The following KIF1B variants were observed in gnomAD, a reference collection of about 807,000 sequenced individuals.
KIF1B encodes the protein kinesin family member 1B.
Under a neutral mutation model 241.9 loss-of-function variants are expected in KIF1B, and 76 were observed. The observed-to-expected ratio is 0.31, with a 90% CI of 0.26 to 0.38. The LOEUF (loss-of-function observed/expected upper bound fraction) is 0.38, where lower values mean the gene tolerates loss of function less well. Among genes scored for constraint, KIF1B ranks in the 10% least tolerant of loss-of-function variants. The pLI is 1.00. For synonymous variants in KIF1B, 750 were observed against 796.7 expected (o/e 0.94, Z 0.99); for missense variants, 1,622 against 2,271.4 (o/e 0.71, Z 5.81).
Position 10,345,666 on chromosome 1 carries a change from ATAAC to A in KIF1B, c.3689-175_3689-172del, listed in dbSNP as rs1437638053. On this transcript the variant is annotated intron_variant, in intron 34 of 48. Coordinates refer to ENST00000676179, the MANE Select transcript of KIF1B (RefSeq NM_001365951.3). ...TTTTCCTTGTTCTCTGAATGTAGAG[ATAAC>A]TAATAACTTACAAAGTTTATATTGG... 3 of 617,840 alleles carry A rather than the reference ATAAC, an allele frequency of 4.9e-6. No homozygotes were observed. The African/African-American group carries it at 5.6e-5, about 11-fold the overall frequency. 38.3% of individuals were successfully genotyped at this position (617,840 alleles called of 1,614,324 possible). A position where few individuals can be genotyped will look rare whatever the true frequency, so the allele number is the denominator to read the frequency against.
chr1:10,297,070 G>A lies in KIF1B; in HGVS notation c.2035G>A (p.Glu679Lys), dbSNP rs1459746917. 1 of 1,613,920 alleles carries A rather than the reference G, an allele frequency of 6.2e-7. No homozygotes were observed. The highest frequency in any genetic ancestry group is 8.5e-7 in the Non-Finnish European group (1 of 1,179,970). The change falls in exon 21 of 49, where the codon GAG becomes AAG. Residue 679 changes from glutamate to lysine, a missense_variant. Transcript: ENST00000676179. ...KQGIDMKQEM[E>K]KRLQEMEILY... Reference sequence around the variant, plus strand: ...AGGAATTGATATGAAACAAGAGATGGAGAAAAGGTAATGCACAGTTACGCA... The same window carrying A: ...AGGAATTGATATGAAACAAGAGATGAAGAAAAGGTAATGCACAGTTACGCA...
intron 2 of KIF1B, among the ~76,000 whole-genome samples, chr1:10,238,760 G>A (rs1012301807): frequency 6.6e-6 from 1 of 151,874 alleles, no homozygotes; most frequent in African/African-American, 2.4e-5. Context: ...AGAAAGTAAT[G>A]CATTTAAATT....
chr1:10,226,912 G>A (rs1477758791), intron 1 of KIF1B, among the ~76,000 whole-genome samples: 1 of 152,028 alleles, frequency 6.6e-6, no homozygotes, highest in Non-Finnish European at 1.5e-5. Flanking sequence ...AGGCTGCAGT[G>A]AGCTGAGATC....
At chr1:10,225,654 G>A (rs533662044) in intron 1 of KIF1B, among the ~76,000 whole-genome samples, 5 of 152,244 alleles carry the variant, frequency 3.3e-5, no homozygotes, top group East Asian at 1.9e-4. Flanking sequence ...ACAAGACAAA[G>A]GACACAGTGG....
intron 5 of KIF1B, among the ~76,000 whole-genome samples, chr1:10,267,059 C>T (rs1160930134): frequency 6.6e-6 from 1 of 151,698 alleles, no homozygotes; most frequent in African/African-American, 2.4e-5. Flanking sequence ...ACTCTGTCAC[C>T]GAGGCTGAAG....
chr1:10,240,192 A>G (rs1647116403), intron 2 of KIF1B, among the ~76,000 whole-genome samples: 1 of 151,888 alleles, frequency 6.6e-6, no homozygotes. Flanking sequence ...GTGAGCCACC[A>G]CACCCTGCCA....
chr1:10,247,493 T>C (rs1647241581), intron 2 of KIF1B, among the ~76,000 whole-genome samples: 5 of 152,232 alleles, frequency 3.3e-5, no homozygotes, highest in Admixed American at 2.6e-4. Flanking sequence ...GTAAGCTCCA[T>C]GTAGGCAGGG....
chr1:10,304,005 G>T (rs1569775544), intron 22 of KIF1B: 3 of 1,605,886 alleles, frequency 1.9e-6, no homozygotes, highest in Admixed American at 3.4e-5. Context: ...TAACAAAGCA[G>T]CTTCGTCGGC....
intron 15 of KIF1B, among the ~76,000 whole-genome samples, chr1:10,288,184 G>A (rs1649806578): frequency 6.6e-6 from 1 of 152,106 alleles, no homozygotes; most frequent in Admixed American, 6.6e-5. Flanking sequence ...TTTAAAGAGG[G>A]GCTCACTGTG....
intron 24 of KIF1B, 68 bp downstream of exon 24, chr1:10,321,925 T>C (rs1651540273): frequency 1.9e-6 from 3 of 1,567,640 alleles, no homozygotes; most frequent in Non-Finnish European, 2.6e-6. Flanking sequence ...ATCTGGGTTC[T>C]CACCTTGAAT....
In KIF1B at chr1:10,314,688, G is replaced by A. The variant is rs543788391; in HGVS notation, c.2116-5355G>A. 7.6e-4 allele frequency among the ~76,000 whole-genome samples: 115 copies of A among 151,802 alleles called. 1 individual carries two copies. In the South Asian group the frequency reaches 0.022, roughly 29 times the overall value. On this transcript the variant is annotated intron_variant, in intron 22 of 48. Transcript: ENST00000676179. ...ACCCGCCTCTGCCTCCCAGAGTGCT[G>A]GGATTACAGGCATGTGCCACCACAC...
chr1:10,302,809 G>T (rs560114959), intron 22 of KIF1B, among the ~76,000 whole-genome samples: 1 of 152,064 alleles, frequency 6.6e-6, no homozygotes, highest in Non-Finnish European at 1.5e-5. Context: ...GTTAAGTCAC[G>T]CCATTTGAAT....
At chr1:10,246,509 G>T (rs985644556) in intron 2 of KIF1B, among the ~76,000 whole-genome samples, 7 of 152,160 alleles carry the variant, frequency 4.6e-5, no homozygotes, top group African/African-American at 1.7e-4. Context: ...ACTTTGGGAG[G>T]CCGAGGTGGG....
chr1:10,277,524 A>G (rs1257468126), intron 12 of KIF1B, among the ~76,000 whole-genome samples: 1 of 151,878 alleles, frequency 6.6e-6, no homozygotes, highest in East Asian at 1.9e-4. Flanking sequence ...TCTTGTAGAG[A>G]TGGGGGGTCT....
chr1:10,343,331 T>A (rs1313571213), intron 34 of KIF1B, 44 bp downstream of exon 34: 4 of 1,567,762 alleles, frequency 2.6e-6, no homozygotes, highest in Non-Finnish European at 3.5e-6. Context: ...TCTTTGTGAA[T>A]ACATGTCTTA....
At position 10,324,872 on chromosome 1, in the gene KIF1B, C is replaced by G. The variant is rs201568534; in HGVS notation, c.2652C>G (p.Phe884Leu). 1.2e-6 allele frequency: 2 copies of G among 1,613,982 alleles called. No homozygotes were observed. The highest frequency in any genetic ancestry group is 8.5e-7 in the Non-Finnish European group (1 of 1,180,018). Residue 884 changes from phenylalanine (F) to leucine (L), a missense_variant, in exon 26 of 49, where the codon TTC becomes TTG. Phe to Leu is a conservative substitution (Grantham distance 22). This residue lies in a region of KIF1B where 803 missense variants were observed against 1,112.0 expected (regional missense o/e 0.72). Coordinates refer to ENST00000676179, the MANE Select transcript of KIF1B (RefSeq NM_001365951.3). ...GCAGCGATCCCTTCTATGATCGGTT[C>G]CACTGGTTCAAACTTGTGGGGAGGT... The part of the protein sequence containing the change: ...VTGSDPFYDR[F>L]HWFKLVGSSP...
intron 22 of KIF1B, chr1:10,308,383 T>C: frequency 9.5e-7 from 1 of 1,049,572 alleles, no homozygotes; most frequent in Non-Finnish European, 1.2e-6. Context: ...GATTGTGAAA[T>C]GTATTAGGTG....
At chr1:10,223,546 GT>G (rs113574017) in intron 1 of KIF1B, among the ~76,000 whole-genome samples, 39,704 of 131,306 alleles carry the variant, frequency 0.3, 5,663 homozygotes, top group Admixed American at 0.36. Flanking sequence ...GTTTTGTTTT[GT>G]TTTTTTTTTT....
chr1:10,348,730 GTA>G lies in KIF1B; in HGVS notation c.3947_3948del (p.Val1316GlyfsTer6), dbSNP rs758641163. ...LHWKDVRELV[V>X]GRIRNKPEVD... ...TTGGAAAGATGTTCGTGAACTGGTGGTAGGTGAGTACGTTTCATCAGCCAAGG... is the reference window on the plus strand; with the variant it reads ...TTGGAAAGATGTTCGTGAACTGGTGGGGTGAGTACGTTTCATCAGCCAAGG... On this transcript the variant is annotated frameshift_variant and splice_region_variant, in exon 37 of 49. Coordinates refer to ENST00000676179, the MANE Select transcript of KIF1B (RefSeq NM_001365951.3). LOFTEE classifies it high-confidence loss of function. 6.2e-7 allele frequency: 1 copy of G among 1,612,604 alleles called. No individual in the cohort carries two copies. The highest frequency in any genetic ancestry group is 1.1e-5 in the South Asian group (1 of 91,040).
Sources: allele counts gnomAD v4.1 joint callset (sites outside exome capture counted in the v4.1 genomes callset), GRCh38; gene constraint gnomAD v4.1.1; regional missense constraint gnomAD v4.1.1; transcripts MANE v1.5; gene names NCBI Gene and HGNC (gene_info 2026-07-23, HGNC 2026-07-21).